Variants in AKAP19 observed in about 807,000 individuals in gnomAD.
AKAP19 encodes A-kinase anchoring protein 19.
At chr2:190,159,858 C>T in the AKAP19 span, among the ~76,000 whole-genome samples, 1 of 152,198 alleles carries the variant, frequency 6.6e-6, no homozygotes, top group Admixed American at 6.5e-5. Context: ...AATTTCTGTT[C>T]TTTTAACTTT....
the AKAP19 span, among the ~76,000 whole-genome samples, chr2:189,964,008 CCT>C: frequency 6.6e-6 from 1 of 152,182 alleles, no homozygotes; most frequent in African/African-American, 2.4e-5. Flanking sequence ...ACCACCTTGG[CCT>C]CTCAAAGTAC....
the AKAP19 span, chr2:190,180,712 G>A: frequency 1.0e-6 from 1 of 985,282 alleles, no homozygotes; most frequent in Non-Finnish European, 1.2e-6. The surrounding 1 kb of genome is among the most constrained non-coding windows in gnomAD (Gnocchi z 6.8). Context: ...GTCGCTCCCA[G>A]AGGGCGCGCC....
At chr2:189,992,865 T>G in the AKAP19 span, among the ~76,000 whole-genome samples, 2 of 152,244 alleles carry the variant, frequency 1.3e-5, no homozygotes, top group Non-Finnish European at 2.9e-5. Context: ...TACATTGATT[T>G]TGTATCCTGA....
chr2:190,094,727 G>C, the AKAP19 span, among the ~76,000 whole-genome samples: 2 of 152,058 alleles, frequency 1.3e-5, no homozygotes, highest in Non-Finnish European at 2.9e-5. Context: ...ATAGATTGTT[G>C]GTTCCTCATT....
the AKAP19 span, among the ~76,000 whole-genome samples, chr2:190,184,137 T>A: frequency 6.6e-6 from 1 of 152,178 alleles, no homozygotes; most frequent in African/African-American, 2.4e-5. Context: ...ATTTTAAGAA[T>A]GAATTTATTC....
the AKAP19 span, among the ~76,000 whole-genome samples, chr2:190,046,610 G>A: frequency 1.3e-5 from 2 of 152,178 alleles, no homozygotes; most frequent in Non-Finnish European, 2.9e-5. Flanking sequence ...TGCTCAGTGC[G>A]TCAGAGGCAC....
At chr2:189,959,230 A>G in the AKAP19 span, among the ~76,000 whole-genome samples, 1 of 137,806 alleles carries the variant, frequency 7.3e-6, no homozygotes, top group South Asian at 2.3e-4. Flanking sequence ...AATATAATCA[A>G]AAAACCTGAA....
At chr2:189,901,460 C>A in the AKAP19 span, among the ~76,000 whole-genome samples, 5 of 152,094 alleles carry the variant, frequency 3.3e-5, no homozygotes, top group African/African-American at 1.2e-4. Flanking sequence ...GCCTCAGCCT[C>A]CCGAGTAGCT....
the AKAP19 span, among the ~76,000 whole-genome samples, chr2:190,196,350 T>C: frequency 1.3e-5 from 2 of 152,148 alleles, no homozygotes; most frequent in Non-Finnish European, 2.9e-5. Flanking sequence ...ACACAATGAA[T>C]TTTTCATTTC....
chr2:189,934,277 A>G, the AKAP19 span, among the ~76,000 whole-genome samples: 1 of 152,068 alleles, frequency 6.6e-6, no homozygotes, highest in Non-Finnish European at 1.5e-5. Context: ...CACATTGTTT[A>G]GCCATTTCTG....
the AKAP19 span, among the ~76,000 whole-genome samples, chr2:190,100,479 T>G: frequency 6.6e-6 from 1 of 152,176 alleles, no homozygotes; most frequent in African/African-American, 2.4e-5. Context: ...CACAGAGAAC[T>G]CTCTTCTAAT....
the AKAP19 span, among the ~76,000 whole-genome samples, chr2:190,001,451 GT>G: frequency 6.6e-6 from 1 of 152,120 alleles, no homozygotes; most frequent in Non-Finnish European, 1.5e-5. Flanking sequence ...GGAAATGGTT[GT>G]TTTTTCTGGG....
the AKAP19 span, among the ~76,000 whole-genome samples, chr2:189,900,413 G>A: frequency 1.3e-5 from 2 of 151,896 alleles, no homozygotes; most frequent in South Asian, 2.1e-4. Flanking sequence ...AGTTCTTAAC[G>A]GTCAGTGGAG....
the AKAP19 span, among the ~76,000 whole-genome samples, chr2:189,999,525 T>C: frequency 6.6e-6 from 1 of 152,240 alleles, no homozygotes; most frequent in East Asian, 1.9e-4. Context: ...TATTTCTTTT[T>C]GTAGATTTGT....
chr2:189,918,173 A>G, the AKAP19 span, among the ~76,000 whole-genome samples: 1 of 152,114 alleles, frequency 6.6e-6, no homozygotes, highest in East Asian at 1.9e-4. Flanking sequence ...TAGATAATAG[A>G]CAATATTATA....
At chr2:189,925,300 A>C in the AKAP19 span, among the ~76,000 whole-genome samples, 1 of 152,236 alleles carries the variant, frequency 6.6e-6, no homozygotes. Flanking sequence ...CTAATTCAGT[A>C]TTCATAGCAA....
chr2:190,156,285 T>C, the AKAP19 span, among the ~76,000 whole-genome samples: 11 of 152,128 alleles, frequency 7.2e-5, no homozygotes, highest in African/African-American at 2.4e-4. Context: ...AAAGTATTAA[T>C]ATATTGAGAT....
chr2:189,904,003 A>G, the AKAP19 span, among the ~76,000 whole-genome samples: 1 of 152,108 alleles, frequency 6.6e-6, no homozygotes, highest in Non-Finnish European at 1.5e-5. Flanking sequence ...AGCATTTTAT[A>G]GTCATTTTTG....
At chr2:189,924,482 C>T in the AKAP19 span, among the ~76,000 whole-genome samples, 3 of 152,168 alleles carry the variant, frequency 2.0e-5, no homozygotes, top group Admixed American at 1.3e-4. Context: ...TATGACTTAA[C>T]AATAAAAATG....
Sources: gnomAD v4.1 joint callset for allele counts (sites outside exome capture counted in the v4.1 genomes callset) on GRCh38, gnomAD v4.1.1 for gene constraint, Gnocchi (gnomAD v3.1) non-coding constraint, MANE v1.5 for transcripts, NCBI Gene and HGNC (gene_info 2026-07-23, HGNC 2026-07-21) for gene names.